Variants in SHROOM2 observed in about 807,000 individuals in gnomAD.
The protein encoded by SHROOM2 is shroom family member 2.
Under a neutral mutation model 75.9 loss-of-function variants are expected in SHROOM2, and 33 were observed. That is an observed-to-expected ratio of 0.43 (90% CI 0.33 to 0.58). The LOEUF (loss-of-function observed/expected upper bound fraction) is 0.58, where lower values mean the gene tolerates loss of function less well. Ranked by LOEUF, SHROOM2 falls within the 20% of genes least tolerant of loss-of-function variation. The pLI, the probability that SHROOM2 is intolerant of heterozygous loss-of-function variation, is 0.04. For missense variants in SHROOM2, 1,434 were observed against 1,461.2 expected, an observed-to-expected ratio of 0.98 and a Z score of 0.30; for synonymous variants, 655 against 663.6, an observed-to-expected ratio of 0.99 and a Z score of 0.20.
At chrX:9,905,831 A>G (rs2084388694) in intron 5 of SHROOM2, among the ~76,000 whole-genome samples, 1 of 111,876 alleles carries the variant, frequency 8.9e-6, no homozygotes, top group African/African-American at 3.3e-5. Context: ...ACTCCCCTGT[A>G]AATGATGTGC....
chrX:9,899,743 C>T (rs572974400), intron 5 of SHROOM2, among the ~76,000 whole-genome samples: 1 of 112,434 alleles, frequency 8.9e-6, no homozygotes, highest in South Asian at 3.6e-4. Context: ...CAGAATTTAG[C>T]TGTGTCTGAG....
chrX:9,916,878 T>A (rs2084495181), intron 5 of SHROOM2, among the ~76,000 whole-genome samples: 2 of 112,239 alleles, frequency 1.8e-5, no homozygotes, highest in South Asian at 7.4e-4. Flanking sequence ...ACAGTTCAAC[T>A]TTTTTGACAT....
intron 5 of SHROOM2, among the ~76,000 whole-genome samples, chrX:9,928,625 G>T (rs1790349990): frequency 9.0e-6 from 1 of 110,935 alleles, no homozygotes; most frequent in Admixed American, 9.6e-5. Flanking sequence ...CTCACAACAT[G>T]CATCTCCACA....
intron 3 of SHROOM2, 45 bp from the exon 4 acceptor site, chrX:9,894,313 G>T (rs781526424): frequency 1.7e-6 from 2 of 1,155,804 alleles, no homozygotes; most frequent in African/African-American, 3.6e-5. Flanking sequence ...TGCCATTGCT[G>T]TTGCTAAAGC....
rs754291758 is a variant in SHROOM2, at chrX:9,894,429, C to A, written c.521C>A (p.Ser174Tyr). 8.3e-7 allele frequency: 1 copy of A among 1,211,271 alleles called. No homozygotes were observed. The stretch of plus-strand genomic sequence containing the variant: ...CAGCGCACCTTAGATCACTTCAGCT[C>A]CTTGGGGAGCGTTGACAGCCTGGAC... ...NLQRTLDHFS[S>Y]LGSVDSLDHP... Residue 174 changes from serine (S) to tyrosine (Y), a missense_variant, in exon 4 of 10, where the codon TCC becomes TAC. Around this residue, in one of 3 missense-constraint regions of SHROOM2, gnomAD observed 1,340 missense variants for 1,338.3 expected, o/e 1.00. Transcript: ENST00000380913.
chrX:9,923,115 T>C lies in SHROOM2; in HGVS notation c.2892-9060T>C, dbSNP rs756575855. ...ACATGTGTGTGGGGAGTCTGATGAATTTGTAAAACCTATGATTTTATAACT... is the reference window on the plus strand; with the variant it reads ...ACATGTGTGTGGGGAGTCTGATGAACTTGTAAAACCTATGATTTTATAACT... On this transcript the variant is annotated intron_variant, in intron 5 of 9. Coordinates refer to ENST00000380913, the MANE Select transcript of SHROOM2 (RefSeq NM_001649.4). 9.8e-5 allele frequency among the ~76,000 whole-genome samples: 11 copies of C among 111,885 alleles called. No individual in the cohort carries two copies. In the South Asian group the frequency reaches 3.8e-3, roughly 38 times the overall value.
intron 1 of SHROOM2, among the ~76,000 whole-genome samples, chrX:9,849,544 C>T (rs1228249796): frequency 2.7e-5 from 3 of 111,398 alleles, no homozygotes; most frequent in Non-Finnish European, 5.7e-5. Context: ...GCTGAGTGCT[C>T]CTGGGGTCCA....
rs1320737231 is a variant in SHROOM2 at position 9,895,613 on chromosome X, A to G, written c.1705A>G (p.Ile569Val). The stretch of plus-strand genomic sequence containing the variant: ...AGCCAGCCAGAGGCTGGCAGCCAGC[A>G]TCACGTGGGCAGATGGGGAGAGCAG... ...EKASQRLAAS[I>V]TWADGESSRI... is the part of the protein sequence containing the mutation. Residue 569 changes from isoleucine to valine, a missense_variant, in exon 4 of 10, where the codon ATC becomes GTC. Transcript: ENST00000380913. 1.7e-6 allele frequency: 2 copies of G among 1,163,990 alleles called. No individual in the cohort carries two copies. Among genetic ancestry groups the G allele is most frequent in the South Asian group, 3.8e-5 (2 of 52,940 alleles).
At position 9,851,146 on chromosome X, in the gene SHROOM2, C is replaced by G. The variant is rs760231056; in HGVS notation, c.166-22506C>G. Among the ~76,000 whole-genome samples the G allele has an allele frequency of 5.4e-5, 6 of 111,761 alleles. No individual in the cohort carries two copies. The East Asian group carries it at 1.7e-3, about 32-fold the overall frequency. The stretch of plus-strand genomic sequence containing the variant: ...ACCTCAGCCTTCTGTGTAGCTGGGA[C>G]TGCAGGCACACTCCACCAAGCCTGG... On this transcript the variant is annotated intron_variant, in intron 1 of 9. Transcript: ENST00000380913.
At chrX:9,847,657 C>T (rs964612599) in intron 1 of SHROOM2, among the ~76,000 whole-genome samples, 1 of 111,891 alleles carries the variant, frequency 8.9e-6, no homozygotes, top group Non-Finnish European at 1.9e-5. Flanking sequence ...AAGCCTCGGC[C>T]AGTCCTAAAA....
intron 5 of SHROOM2, among the ~76,000 whole-genome samples, chrX:9,912,226 CACACACACACACACACACACACACAT>C (rs1379904543): frequency 1.0e-4 from 6 of 59,147 alleles, no homozygotes; most frequent in Admixed American, 5.0e-4. Flanking sequence ...CACACACACA[CACACACACACACACACACACACACAT>C]AAAGGAAGAC....
rs1569161746 is a variant in SHROOM2, at chrX:9,896,185, A to G, written c.2277A>G (p.Lys759=). 1.7e-6 allele frequency: 2 copies of G among 1,209,829 alleles called. No individual in the cohort carries two copies. The highest frequency in any genetic ancestry group is 2.2e-5 in the Admixed American group (1 of 45,919). ...GGRRRFTAEQ[K]LKSYSEPEKM... Reference sequence around the variant, plus strand: ...GGAGACGGTTCACAGCTGAGCAGAAATTGAAGTCCTACTCGGAACCTGAGA... The same window carrying G: ...GGAGACGGTTCACAGCTGAGCAGAAGTTGAAGTCCTACTCGGAACCTGAGA... Residue 759 remains lysine (K), a synonymous_variant, in exon 4 of 10, where the codon AAA becomes AAG. Coordinates refer to ENST00000380913, the MANE Select transcript of SHROOM2 (RefSeq NM_001649.4).
At chrX:9,829,249 C>G (rs1020866552) in intron 1 of SHROOM2, among the ~76,000 whole-genome samples, 1 of 111,969 alleles carries the variant, frequency 8.9e-6, no homozygotes, top group African/African-American at 3.2e-5. Flanking sequence ...GTCTCAAACT[C>G]CTGACCTCAG....
chrX:9,883,844 G>A (rs2084244967), intron 2 of SHROOM2, among the ~76,000 whole-genome samples: 1 of 110,912 alleles, frequency 9.0e-6, no homozygotes, highest in Non-Finnish European at 1.9e-5. Flanking sequence ...AGAAGAGTGT[G>A]AGCAATTGCC....
At chrX:9,861,908 C>G (rs2084105936) in intron 1 of SHROOM2, among the ~76,000 whole-genome samples, 1 of 111,651 alleles carries the variant, frequency 9.0e-6, no homozygotes, top group Non-Finnish European at 1.9e-5. Flanking sequence ...GCATGTCTGT[C>G]ACTGCACTTG....
chrX:9,792,093 ATAG>A (rs1569133117), intron 1 of SHROOM2, among the ~76,000 whole-genome samples: 3 of 14,967 alleles, frequency 2.0e-4, no homozygotes, highest in Non-Finnish European at 3.1e-4. Flanking sequence ...ATAGAATAGA[ATAG>A]AATAGAATAG....
rs1483731337 is a variant in SHROOM2, at chrX:9,937,493, C to T, written c.3947C>T (p.Ser1316Leu). The change falls in exon 7 of 10, where the codon TCG (serine) becomes TTG (leucine). Residue 1316 changes from serine to leucine, a missense_variant. By Grantham distance (145) the Ser-to-Leu change is moderately radical. Transcript: ENST00000380913. ...AKEKTVEDLK[S>L]EELAREIVGK... ...GAGAAGACTGTGGAAGACCTGAAGT[C>T]GGAGGAGCTGGCCAGGGAGATCGTG... 3.3e-6 allele frequency: 4 copies of T among 1,211,587 alleles called. No homozygotes were observed. Among genetic ancestry groups the T allele is most frequent in the East Asian group, 3.0e-5 (1 of 33,805 alleles).
intron 2 of SHROOM2, among the ~76,000 whole-genome samples, chrX:9,886,725 C>T (rs12557532): frequency 1.8e-5 from 2 of 110,269 alleles, no homozygotes; most frequent in African/African-American, 6.6e-5. Context: ...TCTAATGTCA[C>T]GTAGCATACC....
chrX:9,877,386 C>T (rs1007151873), intron 2 of SHROOM2, among the ~76,000 whole-genome samples: 4 of 110,973 alleles, frequency 3.6e-5, no homozygotes, highest in Non-Finnish European at 7.6e-5. Context: ...GGGGTGCTGC[C>T]CAGGAGTCAG....
Sources: gnomAD v4.1 joint callset for allele counts (sites outside exome capture counted in the v4.1 genomes callset) on GRCh38, gnomAD v4.1.1 for gene constraint, gnomAD v4.1.1 regional missense constraint, MANE v1.5 for transcripts, NCBI Gene and HGNC (gene_info 2026-07-23, HGNC 2026-07-21) for gene names.